The following TEKT4 variants were observed in gnomAD, a reference collection of about 807,000 sequenced individuals.
TEKT4 encodes the protein tektin 4.
In TEKT4, 46 loss-of-function variants were observed where a neutral mutation model predicts 46.0. The observed-to-expected ratio is 1.00, with a 90% CI of 0.79 to 1.28. The LOEUF is 1.28. TEKT4 is among the 50% of genes most tolerant of loss of function. The probability of loss-of-function intolerance (pLI) is 0.00; values close to 1 mark genes in which losing one functional copy is unlikely to be tolerated. For missense variants in TEKT4, 790 were observed against 622.9 expected (o/e 1.27, Z -2.85); for synonymous variants, 325 against 265.8 (o/e 1.22, Z -2.17).
chr2:94,873,520 G>A lies in TEKT4; in HGVS notation c.499G>A (p.Glu167Lys), dbSNP rs1438423185. ...RDHVETELLK[E>K]AELIRNIQEL... Reference sequence around the variant, plus strand: ...GTGCTCAGGGCGTCTCCTCCCTCAGGAAGCCGAGCTCATCCGGAACATTCA... The same window carrying A: ...GTGCTCAGGGCGTCTCCTCCCTCAGAAAGCCGAGCTCATCCGGAACATTCA... The change falls in exon 2 of 6, where the codon GAA (glutamate) becomes AAA (lysine). Residue 167 changes from glutamate (E) to lysine (K), a missense_variant and splice_region_variant. Coordinates refer to ENST00000295201, the MANE Select transcript of TEKT4 (RefSeq NM_144705.4). The A allele has an allele frequency of 6.2e-7, 1 of 1,612,078 alleles. No homozygotes were observed. Among genetic ancestry groups the A allele is most frequent in the African/African-American group, 1.3e-5 (1 of 74,846 alleles).
Position 94,871,736 on chromosome 2 carries a change from C to T in TEKT4, c.157C>T (p.His53Tyr). 1 of 1,612,674 alleles carries T rather than the reference C, an allele frequency of 6.2e-7. No individual in the cohort carries two copies. Among genetic ancestry groups the T allele is most frequent in the Non-Finnish European group, 8.5e-7 (1 of 1,179,918 alleles). The change falls in exon 1 of 6, where the codon CAC (histidine) becomes TAC (tyrosine). Residue 53 changes from histidine to tyrosine, a missense_variant. Coordinates refer to ENST00000295201, the MANE Select transcript of TEKT4 (RefSeq NM_144705.4). ...GTTCCAGAACTGCTATGCTCGCTAC[C>T]ACCAGGCCTTCGCCGACCGCGACCA... ...EWFQNCYARYHQAFADRDQSE... is the reference protein window; with the variant it reads ...EWFQNCYARYYQAFADRDQSE...
rs1425294565 is a variant in TEKT4 at position 94,873,715 on chromosome 2, C to T, written c.569+125C>T. ...GGGGCTGCCCCAGGTCACAGTGGAG[C>T]GCAGGACTGGGTGGGGGAGGTTCCG... On this transcript the variant is annotated intron_variant, in intron 2 of 5. Transcript: ENST00000295201. The T allele has an allele frequency of 2.9e-5, 40 of 1,378,302 alleles. No individual in the cohort carries two copies. In the East Asian group the frequency reaches 3.7e-4, roughly 13 times the overall value. The allele number at this position is 1,378,302 out of a possible 1,614,324, so 85.4% of individuals were successfully genotyped here. A position where few individuals can be genotyped will look rare whatever the true frequency, so the allele number is the denominator to read the frequency against.
At chr2:94,873,672 T>C (rs1680684684) in intron 2 of TEKT4, 82 bp downstream of exon 2, 7 of 1,561,532 alleles carry the variant, frequency 4.5e-6, no homozygotes, top group Non-Finnish European at 6.1e-6. Context: ...GACAGGACCC[T>C]GAGACTCAGA....
chr2:94,872,043 T>TCGTG lies in TEKT4; in HGVS notation c.467_470dup (p.Asp158AlafsTer141). On this transcript the variant is annotated frameshift_variant, in exon 1 of 6. Coordinates refer to ENST00000295201, the MANE Select transcript of TEKT4 (RefSeq NM_144705.4). LOFTEE classifies it high-confidence loss of function. ...CGTGAGCGCCGCGAGCACCCCAACCTCGTGCGCGACCATGTGGAAACGGAG... is the reference window on the plus strand; with the variant it reads ...CGTGAGCGCCGCGAGCACCCCAACCTCGTGCGTGCGCGACCATGTGGAAACGGAG... The TCGTG allele has an allele frequency of 6.4e-7, 1 of 1,555,432 alleles. No individual in the cohort carries two copies. The highest frequency in any genetic ancestry group is 8.7e-7 in the Non-Finnish European group (1 of 1,150,966).
At position 94,876,675 on chromosome 2, in the gene TEKT4, C is replaced by T. The variant is rs782667279; in HGVS notation, c.1214C>T (p.Ala405Val). 1.5e-5 allele frequency: 25 copies of T among 1,613,360 alleles called. 1 individual carries two copies. The Admixed American group carries it at 4.2e-4, about 27-fold the overall frequency. The change falls in exon 6 of 6, where the codon GCC (alanine) becomes GTC (valine). Residue 405 changes from alanine (A) to valine (V), a missense_variant. Ala to Val is a moderately conservative substitution (Grantham distance 64, BLOSUM62 0). Coordinates refer to ENST00000295201, the MANE Select transcript of TEKT4 (RefSeq NM_144705.4). Reference sequence around the variant, plus strand: ...CACATGAGCCTGGAGAAGGACATTGCCGCCATGACCAACAGTCTCTTCATC... The same window carrying T: ...CACATGAGCCTGGAGAAGGACATTGTCGCCATGACCAACAGTCTCTTCATC... ...DIHMSLEKDI[A>V]AMTNSLFIDR...
At chr2:94,873,920 G>T (rs782471236) in intron 2 of TEKT4, 45 bp from the exon 3 acceptor site, 1 of 1,609,818 alleles carries the variant, frequency 6.2e-7, no homozygotes, top group Admixed American at 1.7e-5. Flanking sequence ...CCCCAGCAGG[G>T]CCCTCCCTGG....
Position 94,871,840 on chromosome 2 carries a change from C to T in TEKT4, c.261C>T (p.Ser87=). The T allele has an allele frequency of 1.2e-6, 2 of 1,607,488 alleles. No individual in the cohort carries two copies. The highest frequency in any genetic ancestry group is 8.5e-7 in the Non-Finnish European group (1 of 1,178,070). The change falls in exon 1 of 6, where the codon TCC becomes TCT. Residue 87 remains serine (S), a synonymous_variant. Coordinates refer to ENST00000295201, the MANE Select transcript of TEKT4 (RefSeq NM_144705.4). ...QALAQRTQQD[S]TRTVGERLQD... is the part of the protein sequence containing the mutation. The stretch of plus-strand genomic sequence containing the variant: ...TGGCGCAGCGCACGCAGCAAGACTC[C>T]ACGCGCACAGTGGGCGAGCGACTGC...
At chr2:94,874,201 C>A (rs1445273758) in intron 3 of TEKT4, 93 bp downstream of exon 3, 3 of 1,437,406 alleles carry the variant, frequency 2.1e-6, no homozygotes, top group Non-Finnish European at 2.8e-6. Context: ...ACCAGCCTGG[C>A]CCGGAGGCCC....
chr2:94,874,092 A>G lies in TEKT4; in HGVS notation c.697A>G (p.Thr233Ala). The G allele has an allele frequency of 3.1e-6, 5 of 1,613,442 alleles. No homozygotes were observed. Among genetic ancestry groups the G allele is most frequent in the Non-Finnish European group, 2.5e-6 (3 of 1,179,906 alleles). ...CGAGGTGCAGGCTCATCCGTACTCC[A>G]CCACCTTCCAAGAGAGGTGGGCCCC... ...STEVQAHPYS[T>A]TFQESASTPE... Residue 233 changes from threonine to alanine, a missense_variant, in exon 3 of 6, where the codon ACC becomes GCC. Thr to Ala is a moderately conservative substitution (Grantham distance 58). Coordinates refer to ENST00000295201, the MANE Select transcript of TEKT4 (RefSeq NM_144705.4).
chr2:94,874,440 G>A (rs868976734), intron 3 of TEKT4, among the ~76,000 whole-genome samples: 13 of 152,152 alleles, frequency 8.5e-5, no homozygotes, highest in African/African-American at 2.6e-4. Flanking sequence ...AAGAGGGCGC[G>A]GGCGCTGGGT....
Position 94,871,969 on chromosome 2 carries a change from G to A in TEKT4, c.390G>A (p.Leu130=), listed in dbSNP as rs568153898. The change falls in exon 1 of 6, where the codon CTG becomes CTA. Residue 130 remains leucine (L), a synonymous_variant. Coordinates refer to ENST00000295201, the MANE Select transcript of TEKT4 (RefSeq NM_144705.4). ...AGAAGCAACGGCTGGAGCGCGCCCT[G>A]GACGCCACAGAGGTGCCCTTCTCCA... ...LAQKQRLERA[L]DATEVPFSIT... 23 of 1,601,382 alleles carry A rather than the reference G, an allele frequency of 1.4e-5. No individual in the cohort carries two copies. In the African/African-American group the frequency reaches 2.7e-4, roughly 19 times the overall value.
intron 3 of TEKT4, among the ~76,000 whole-genome samples, chr2:94,874,331 G>C (rs1553395659): frequency 6.6e-6 from 1 of 152,202 alleles, no homozygotes; most frequent in Admixed American, 6.5e-5. Context: ...AGTAGGGTGG[G>C]GTCAGACCCA....
intron 1 of TEKT4, chr2:94,873,199 G>C (rs200297692): frequency 1.6e-6 from 2 of 1,256,930 alleles, no homozygotes; most frequent in East Asian, 8.9e-5. Context: ...GAGGCCAAGG[G>C]CAGGCCAACG....
At position 94,874,770 on chromosome 2, in the gene TEKT4, C is replaced by G; in HGVS notation, c.714-6C>G. 6.4e-7 allele frequency: 1 copy of G among 1,561,874 alleles called. No individual in the cohort carries two copies. On this transcript the variant is annotated splice_polypyrimidine_tract_variant and splice_region_variant and intron_variant, in intron 3 of 5. Transcript: ENST00000295201. ...GACCCTCTCCTGGCTGTCCCCCGCC[C>G]CGCAGCGCCTCCACCCCGGAGACCC...
Position 94,874,757 on chromosome 2 carries a change from G to A in TEKT4, c.714-19G>A, listed in dbSNP as rs1553395789. On this transcript the variant is annotated intron_variant, in intron 3 of 5. Transcript: ENST00000295201. ...GCAGAGCCTCCCCGACCCTCTCCTG[G>A]CTGTCCCCCGCCCCGCAGCGCCTCC... 13 of 1,539,604 alleles carry A rather than the reference G, an allele frequency of 8.4e-6. No individual in the cohort carries two copies. The highest frequency in any genetic ancestry group is 1.0e-5 in the Non-Finnish European group (12 of 1,145,294).
chr2:94,872,851 A>G (rs1680638966), intron 1 of TEKT4: 1 of 1,288,498 alleles, frequency 7.8e-7, no homozygotes, highest in Non-Finnish European at 1.0e-6. Context: ...TGCCTCAAGA[A>G]CTCCTGCAGC....
Position 94,871,832 on chromosome 2 carries a change from C to A in TEKT4, c.253C>A (p.Gln85Lys), listed in dbSNP as rs782501921. The change falls in exon 1 of 6, where the codon CAA becomes AAA. Residue 85 changes from glutamine (Q) to lysine (K), a missense_variant. Transcript: ENST00000295201. ...CCAGGCGCTGGCGCAGCGCACGCAGCAAGACTCCACGCGCACAGTGGGCGA... is the reference window on the plus strand; with the variant it reads ...CCAGGCGCTGGCGCAGCGCACGCAGAAAGACTCCACGCGCACAGTGGGCGA... ...ETQALAQRTQ[Q>K]DSTRTVGERL... The A allele has an allele frequency of 4.4e-6, 7 of 1,607,920 alleles. No homozygotes were observed. In the South Asian group the frequency reaches 7.7e-5, roughly 18 times the overall value.
rs1553395380 is a variant in TEKT4, at chr2:94,873,600, G to A, written c.569+10G>A. 1 of 1,613,574 alleles carries A rather than the reference G, an allele frequency of 6.2e-7. No individual in the cohort carries two copies. Among genetic ancestry groups the A allele is most frequent in the South Asian group, 1.1e-5 (1 of 91,056 alleles). On this transcript the variant is annotated intron_variant, in intron 2 of 5. Coordinates refer to ENST00000295201, the MANE Select transcript of TEKT4 (RefSeq NM_144705.4). ...CAGTGAGCCAGATCCGGTGGGTAGA[G>A]GGCTGCCCAAGGGATGATTCCTGAC...
At chr2:94,873,046 T>A in intron 1 of TEKT4, 2 of 1,283,564 alleles carry the variant, frequency 1.6e-6, no homozygotes, top group Non-Finnish European at 2.0e-6. Flanking sequence ...ACACAGCAAA[T>A]TAAACTGGCC....
Sources: gnomAD v4.1 joint callset for allele counts (sites outside exome capture counted in the v4.1 genomes callset) on GRCh38, gnomAD v4.1.1 for gene constraint, MANE v1.5 for transcripts, NCBI Gene and HGNC (gene_info 2026-07-23, HGNC 2026-07-21) for gene names.